Variants in COL5A2 observed in about 807,000 individuals in gnomAD.
The protein encoded by COL5A2 is collagen alpha-2(V) chain.
COL5A2 carries 23 observed loss-of-function variants against 208.2 expected under a neutral mutation model. The ratio of observed to expected loss-of-function variants is 0.11; its 90% confidence interval spans 0.08 to 0.16. The LOEUF (loss-of-function observed/expected upper bound fraction) is 0.16. Ranked by LOEUF, COL5A2 falls within the 10% of genes least tolerant of loss-of-function variation. COL5A2 has a pLI of 1.00. For missense variants in COL5A2, 1,590 were observed against 1,956.4 expected (o/e 0.81, Z 3.53); for synonymous variants, 625 against 628.5 (o/e 0.99, Z 0.08).
chr2:189,079,123 A>G lies in COL5A2; in HGVS notation c.961-16T>C. On this transcript the variant is annotated splice_polypyrimidine_tract_variant and intron_variant, in intron 14 of 53. Coordinates refer to ENST00000374866, the MANE Select transcript of COL5A2 (RefSeq NM_000393.5). Reference sequence around the variant, plus strand: ...CAGCTTCACCCTAAAAAAAAATGAGAATACATTACAGTATGAGAAGCCTAC... The same window carrying G: ...CAGCTTCACCCTAAAAAAAAATGAGGATACATTACAGTATGAGAAGCCTAC... 6.2e-7 allele frequency: 1 copy of G among 1,605,716 alleles called. No individual in the cohort carries two copies. Among genetic ancestry groups the G allele is most frequent in the Non-Finnish European group, 8.5e-7 (1 of 1,172,610 alleles).
intron 1 of COL5A2, among the ~76,000 whole-genome samples, chr2:189,221,489 G>C (rs546000892): frequency 6.6e-6 from 1 of 152,152 alleles, no homozygotes; most frequent in South Asian, 2.1e-4. Flanking sequence ...AATCCTTGGG[G>C]AAGAGGGGTG....
intron 1 of COL5A2, among the ~76,000 whole-genome samples, chr2:189,141,640 C>T (rs188203450): frequency 3.2e-4 from 49 of 152,272 alleles, no homozygotes; most frequent in Non-Finnish European, 5.0e-4. Context: ...AAAGTTAGCA[C>T]GCTCATTTCC....
the COL5A2 span, among the ~76,000 whole-genome samples, chr2:189,383,491 G>A: frequency 2.3e-3 from 350 of 152,110 alleles, 10 homozygotes; most frequent in East Asian, 0.05. Context: ...AATTAAGTAG[G>A]ACATAATTCA....
At chr2:189,240,235 A>C in the COL5A2 span, among the ~76,000 whole-genome samples, 2 of 152,202 alleles carry the variant, frequency 1.3e-5, no homozygotes, top group Non-Finnish European at 2.9e-5. Flanking sequence ...TTTGTTTCTT[A>C]TAGTTCTGGT....
intron 1 of COL5A2, among the ~76,000 whole-genome samples, chr2:189,148,902 G>A (rs1688091947): frequency 6.6e-6 from 1 of 152,200 alleles, no homozygotes; most frequent in Non-Finnish European, 1.5e-5. Flanking sequence ...CACTTTGGGA[G>A]GCCGAGGCAG....
At chr2:189,368,908 T>G in the COL5A2 span, among the ~76,000 whole-genome samples, 1 of 152,192 alleles carries the variant, frequency 6.6e-6, no homozygotes, top group African/African-American at 2.4e-5. Flanking sequence ...AAAGCTTGTT[T>G]CTTGAGAAGT....
the COL5A2 span, among the ~76,000 whole-genome samples, chr2:189,269,803 G>A: frequency 1.3e-5 from 2 of 152,142 alleles, no homozygotes; most frequent in African/African-American, 4.8e-5. Context: ...AATGGTTTCA[G>A]AAGGAATGGT....
intron 1 of COL5A2, among the ~76,000 whole-genome samples, chr2:189,172,337 G>A (rs772081279): frequency 6.6e-6 from 1 of 152,202 alleles, no homozygotes; most frequent in Non-Finnish European, 1.5e-5. Context: ...AACAAGTCCA[G>A]GAGGTGCTTC....
chr2:189,345,040 A>G, the COL5A2 span, among the ~76,000 whole-genome samples: 1 of 152,192 alleles, frequency 6.6e-6, no homozygotes, highest in Non-Finnish European at 1.5e-5. Context: ...GTGCTGCAAA[A>G]GGAATTAGGG....
chr2:189,160,928 T>G (rs1360047842), intron 1 of COL5A2, among the ~76,000 whole-genome samples: 1 of 150,912 alleles, frequency 6.6e-6, no homozygotes, highest in Non-Finnish European at 1.5e-5. Context: ...CCTCCCAGAT[T>G]CAAGTGATTC....
At chr2:189,274,909 G>A in the COL5A2 span, among the ~76,000 whole-genome samples, 3 of 152,074 alleles carry the variant, frequency 2.0e-5, no homozygotes, top group African/African-American at 7.2e-5. Flanking sequence ...AAGACCTGTG[G>A]GCAATAGTTG....
At chr2:189,047,214 G>C (rs1033741006) in intron 45 of COL5A2, among the ~76,000 whole-genome samples, 1 of 152,020 alleles carries the variant, frequency 6.6e-6, no homozygotes, top group Non-Finnish European at 1.5e-5. Context: ...GATTTTAAAA[G>C]GGCGATGGCA....
chr2:189,285,419 C>G, the COL5A2 span, among the ~76,000 whole-genome samples: 1 of 152,132 alleles, frequency 6.6e-6, no homozygotes, highest in Non-Finnish European at 1.5e-5. Context: ...AAAAGGCCCC[C>G]TGAATTCTGA....
chr2:189,184,581 T>C (rs2105838157), upstream of COL5A2, among the ~76,000 whole-genome samples: 1 of 152,322 alleles, frequency 6.6e-6, no homozygotes, highest in African/African-American at 2.4e-5. Context: ...TTCCTCCATC[T>C]GCAAAGCCAG....
chr2:189,423,901 A>G, the COL5A2 span, among the ~76,000 whole-genome samples: 1 of 152,088 alleles, frequency 6.6e-6, no homozygotes, highest in Admixed American at 6.5e-5. Context: ...GGGGGAAAAA[A>G]AAAAGCTACA....
chr2:189,240,200 C>T, the COL5A2 span, among the ~76,000 whole-genome samples: 1 of 152,114 alleles, frequency 6.6e-6, no homozygotes, highest in South Asian at 2.1e-4. Context: ...ATAACAAAAG[C>T]CGTTGGTGGC....
intron 1 of COL5A2, among the ~76,000 whole-genome samples, chr2:189,121,896 G>GA (rs1157649994): frequency 6.6e-6 from 1 of 152,046 alleles, no homozygotes; most frequent in African/African-American, 2.4e-5. Context: ...TTGTAATTTA[G>GA]AAAACACTGT....
intron 50 of COL5A2, among the ~76,000 whole-genome samples, chr2:189,039,852 C>A (rs1360889754): frequency 6.6e-6 from 1 of 152,150 alleles, no homozygotes; most frequent in South Asian, 2.1e-4. Context: ...CTTGAAGATA[C>A]AACATATTTT....
the COL5A2 span, among the ~76,000 whole-genome samples, chr2:189,289,428 A>G: frequency 6.6e-6 from 1 of 152,178 alleles, no homozygotes; most frequent in Non-Finnish European, 1.5e-5. Flanking sequence ...TTCTAACATC[A>G]TACTCAATTG....
Sources: allele counts gnomAD v4.1 joint callset (sites outside exome capture counted in the v4.1 genomes callset), GRCh38; gene constraint gnomAD v4.1.1; transcripts MANE v1.5; gene names NCBI Gene and HGNC (gene_info 2026-07-23, HGNC 2026-07-21).